The following AGAP1 variants were observed in gnomAD, a reference collection of about 807,000 sequenced individuals.
The protein encoded by AGAP1 is ArfGAP with GTPase domain, ankyrin repeat and PH domain 1, also known as arf-GAP with GTPase, ANK repeat and PH domain-containing protein 1.
Under a neutral mutation model 105.3 loss-of-function variants are expected in AGAP1, and 29 were observed. The observed-to-expected ratio is 0.28, with a 90% confidence interval of 0.21 to 0.38. The LOEUF (loss-of-function observed/expected upper bound fraction) is 0.38. AGAP1 is among the 10% of genes least tolerant of loss of function. The pLI is 1.00. For missense variants in AGAP1, 998 were observed against 1,165.1 expected, an observed-to-expected ratio of 0.86 and a Z score of 2.09; for synonymous variants, 509 against 485.9, an observed-to-expected ratio of 1.05 and a Z score of -0.63.
Position 236,036,866 on chromosome 2 carries a change from G to T in AGAP1, c.1800+151G>T, listed in dbSNP as rs747924726. On this transcript the variant is annotated intron_variant, in intron 14 of 17. Coordinates refer to ENST00000304032, the MANE Select transcript of AGAP1 (RefSeq NM_001037131.3). The surrounding 1 kb of genome is among the most constrained non-coding windows in gnomAD (Gnocchi z 5.7). The stretch of plus-strand genomic sequence containing the variant: ...GAGCAGAAAGCTCAATAACTAAAAC[G>T]ATCAGAAGCACTTTGTGTCTATACC... 13 of 1,273,656 alleles carry T rather than the reference G, an allele frequency of 1.0e-5. No individual in the cohort carries two copies. The highest frequency in any genetic ancestry group is 3.0e-5 in the African/African-American group (2 of 66,156). The allele number at this position is 1,273,656 out of a possible 1,614,324, so 78.9% of individuals were successfully genotyped here.
At position 235,596,768 on chromosome 2, in the gene AGAP1, C is replaced by T. The variant is rs916944502; in HGVS notation, c.163+101919C>T. Among the ~76,000 whole-genome samples, 3 of 152,176 alleles carry T rather than the reference C, an allele frequency of 2.0e-5. No individual in the cohort carries two copies. Among genetic ancestry groups the T allele is most frequent in the Admixed American group, 6.5e-5 (1 of 15,274 alleles). On this transcript the variant is annotated intron_variant, in intron 1 of 17. Transcript: ENST00000304032. This position sits in a 1 kb window ranked among gnomAD's most constrained non-coding sequence, Gnocchi z 5.9. ...GTGATGAGAAAAGCAATGATGTTTC[C>T]CAAGGCCGGGGCTGTCGACTGAATT...
At chr2:235,650,935 T>G (rs2149322480) in intron 1 of AGAP1, among the ~76,000 whole-genome samples, 1 of 151,898 alleles carries the variant, frequency 6.6e-6, no homozygotes. Flanking sequence ...ATCCCAGCAC[T>G]TTGGGAAGCT....
chr2:235,598,486 T>G (rs1553576897), intron 1 of AGAP1, among the ~76,000 whole-genome samples: 1 of 152,216 alleles, frequency 6.6e-6, no homozygotes, highest in Non-Finnish European at 1.5e-5. Flanking sequence ...ATGGGAAACT[T>G]GGTTGCATTG....
rs1559604358 is a variant in AGAP1 at position 235,883,474 on chromosome 2, T to G, written c.1155+25T>G. Reference sequence around the variant, plus strand: ...TGTGAGTATAGCCCCCTCGGAGCAATTAACAGCTGCAGACCTCAACTAAAC... The same window carrying G: ...TGTGAGTATAGCCCCCTCGGAGCAAGTAACAGCTGCAGACCTCAACTAAAC... On this transcript the variant is annotated intron_variant, in intron 10 of 17. Coordinates refer to ENST00000304032, the MANE Select transcript of AGAP1 (RefSeq NM_001037131.3). This position sits in a 1 kb window ranked among gnomAD's most constrained non-coding sequence, Gnocchi z 4.5. The G allele has an allele frequency of 6.3e-7, 1 of 1,589,034 alleles. No homozygotes were observed. Among genetic ancestry groups the G allele is most frequent in the Non-Finnish European group, 8.6e-7 (1 of 1,158,434 alleles).
rs1310362991 is a variant in AGAP1 at position 235,957,440 on chromosome 2, G to T, written c.1484-11022G>T. On this transcript the variant is annotated intron_variant, in intron 12 of 17. Coordinates refer to ENST00000304032, the MANE Select transcript of AGAP1 (RefSeq NM_001037131.3). The surrounding 1 kb of genome is among the most constrained non-coding windows in gnomAD (Gnocchi z 4.6). The stretch of plus-strand genomic sequence containing the variant: ...TCGCCAACACCTGTCATCTTCCTGG[G>T]CCCCCTGCCGTGTCCCCGCTGCCCC... 6.6e-6 allele frequency among the ~76,000 whole-genome samples: 1 copy of T among 152,072 alleles called. No individual in the cohort carries two copies. Among genetic ancestry groups the T allele is most frequent in the Non-Finnish European group, 1.5e-5 (1 of 68,024 alleles).
At position 235,723,708 on chromosome 2, in the gene AGAP1, C is replaced by G. The variant is rs1190291436; in HGVS notation, c.310+6064C>G. On this transcript the variant is annotated intron_variant, in intron 3 of 17. Coordinates refer to ENST00000304032, the MANE Select transcript of AGAP1 (RefSeq NM_001037131.3). The surrounding 1 kb of genome is among the most constrained non-coding windows in gnomAD (Gnocchi z 6.2). ...CACCTGAGGAGGGCAGAAAGGTGGC[C>G]CCACAAGCTTCCCAAGATGAAACTA... 6.6e-6 allele frequency among the ~76,000 whole-genome samples: 1 copy of G among 152,112 alleles called. No individual in the cohort carries two copies.
In AGAP1 at chr2:236,036,403, T is replaced by C. The variant is rs567096290; in HGVS notation, c.1646-158T>C. Reference sequence around the variant, plus strand: ...CACATCTGGACTGTTGGGAGGTGCATGGATTCAAATCTCCGCCGCCGTGGT... The same window carrying C: ...CACATCTGGACTGTTGGGAGGTGCACGGATTCAAATCTCCGCCGCCGTGGT... On this transcript the variant is annotated intron_variant, in intron 13 of 17. Coordinates refer to ENST00000304032, the MANE Select transcript of AGAP1 (RefSeq NM_001037131.3). The surrounding 1 kb of genome is among the most constrained non-coding windows in gnomAD (Gnocchi z 5.7). 1.1e-4 allele frequency among the ~76,000 whole-genome samples: 16 copies of C among 152,266 alleles called. No homozygotes were observed. The highest frequency in any genetic ancestry group is 3.6e-4 in the African/African-American group (15 of 41,556).
chr2:235,603,928 G>A (rs1291186532), intron 1 of AGAP1, among the ~76,000 whole-genome samples: 1 of 152,138 alleles, frequency 6.6e-6, no homozygotes, highest in Non-Finnish European at 1.5e-5. Flanking sequence ...CGGTCTGCAA[G>A]TTGCAGTCTT....
chr2:236,034,233 C>G (rs990925148), intron 13 of AGAP1, among the ~76,000 whole-genome samples: 4 of 151,986 alleles, frequency 2.6e-5, no homozygotes, highest in East Asian at 3.9e-4. Context: ...AATGGCTCAG[C>G]CAGTACTTGC....
intron 16 of AGAP1, among the ~76,000 whole-genome samples, chr2:236,094,283 T>C (rs1487358006): frequency 6.7e-6 from 1 of 149,822 alleles, no homozygotes; most frequent in Non-Finnish European, 1.5e-5. Context: ...AATGAGACTC[T>C]ATATCTTTAA....
In AGAP1 at chr2:235,728,320, T is replaced by TGTGTGTGTGTGTGTGTGC. The variant is rs1328525428; in HGVS notation, c.310+10683_310+10684insTGTGTGTGTGCGTGTGTG. On this transcript the variant is annotated intron_variant, in intron 3 of 17. Coordinates refer to ENST00000304032, the MANE Select transcript of AGAP1 (RefSeq NM_001037131.3). This position sits in a 1 kb window ranked among gnomAD's most constrained non-coding sequence, Gnocchi z 4.3. ...CAGACTCTGTGTGTGTGTGTGTGTG[T>TGTGTGTGTGTGTGTGTGC]GTGTGTGCGTGCTCTTAAATCAATG... 6.6e-6 allele frequency among the ~76,000 whole-genome samples: 1 copy of TGTGTGTGTGTGTGTGTGC among 151,718 alleles called. No homozygotes were observed. Among genetic ancestry groups the TGTGTGTGTGTGTGTGTGC allele is most frequent in the African/African-American group, 2.4e-5 (1 of 41,148 alleles).
chr2:235,915,588 A>T (rs1256230960), intron 11 of AGAP1, among the ~76,000 whole-genome samples: 1 of 152,146 alleles, frequency 6.6e-6, no homozygotes, highest in Non-Finnish European at 1.5e-5. Flanking sequence ...GTGGGAGAAT[A>T]GCTTGAGCCC....
intron 1 of AGAP1, among the ~76,000 whole-genome samples, chr2:235,693,029 C>T (rs967932313): frequency 6.6e-6 from 1 of 152,088 alleles, no homozygotes; most frequent in Non-Finnish European, 1.5e-5. Context: ...GTGTCAGATT[C>T]CACTTGCTGG....
chr2:235,909,027 G>A (rs2051447254), intron 11 of AGAP1, 121 bp downstream of exon 11: 3 of 1,003,988 alleles, frequency 3.0e-6, no homozygotes, highest in Admixed American at 2.8e-5. Context: ...ACAGATTAAG[G>A]TTTAGAAACC....
Position 235,724,696 on chromosome 2 carries a change from T to A in AGAP1, c.310+7052T>A, listed in dbSNP as rs551027993. 2.6e-5 allele frequency among the ~76,000 whole-genome samples: 4 copies of A among 152,088 alleles called. 1 individual carries two copies. The South Asian group carries it at 8.3e-4, about 32-fold the overall frequency. The stretch of plus-strand genomic sequence containing the variant: ...AAAAGCTTTAAGAGAAAATACCAGG[T>A]GCTAAGAGTAATTATAACTACCAGG... On this transcript the variant is annotated intron_variant, in intron 3 of 17. Coordinates refer to ENST00000304032, the MANE Select transcript of AGAP1 (RefSeq NM_001037131.3). The surrounding 1 kb of genome is among the most constrained non-coding windows in gnomAD (Gnocchi z 4.9).
chr2:235,598,815 G>A (rs1945630823), intron 1 of AGAP1, among the ~76,000 whole-genome samples: 1 of 152,112 alleles, frequency 6.6e-6, no homozygotes, highest in South Asian at 2.1e-4. Context: ...CAGACTCCTG[G>A]CAAAGTCTTT....
intron 9 of AGAP1, chr2:235,853,194 C>A (rs528220413): frequency 9.5e-7 from 1 of 1,057,846 alleles, no homozygotes; most frequent in African/African-American, 1.7e-5. Context: ...CATTAAAATC[C>A]AAGATTGAGC....
rs369355150 is a variant in AGAP1 at position 236,061,226 on chromosome 2, G to C, written c.2114+11945G>C. On this transcript the variant is annotated intron_variant, in intron 16 of 17. Coordinates refer to ENST00000304032, the MANE Select transcript of AGAP1 (RefSeq NM_001037131.3). This position sits in a 1 kb window ranked among gnomAD's most constrained non-coding sequence, Gnocchi z 4.1. ...GCCCCCACCGCACGTGCTCTTGGAC[G>C]GTCGTGGCAAGTGTTGGTGAGGAAC... Among the ~76,000 whole-genome samples the C allele has an allele frequency of 1.4e-4, 22 of 152,262 alleles. No individual in the cohort carries two copies. In the East Asian group the frequency reaches 3.1e-3, roughly 21 times the overall value.
Position 236,053,170 on chromosome 2 carries a change from G to A in AGAP1, c.2114+3889G>A, listed in dbSNP as rs1385250944. ...CATGGTGTTACTGTAAGGAGAAGTT[G>A]CCAAGCTCCTTGGTGACCCTTTCAA... On this transcript the variant is annotated intron_variant, in intron 16 of 17. Transcript: ENST00000304032. This position sits in a 1 kb window ranked among gnomAD's most constrained non-coding sequence, Gnocchi z 4.6. Among the ~76,000 whole-genome samples, 2 of 152,206 alleles carry A rather than the reference G, an allele frequency of 1.3e-5. No homozygotes were observed. The highest frequency in any genetic ancestry group is 2.9e-5 in the Non-Finnish European group (2 of 68,034).
Sources: allele counts gnomAD v4.1 joint callset (sites outside exome capture counted in the v4.1 genomes callset), GRCh38; gene constraint gnomAD v4.1.1; non-coding constraint Gnocchi (gnomAD v3.1); transcripts MANE v1.5; gene names NCBI Gene and HGNC (gene_info 2026-07-23, HGNC 2026-07-21).